The following TRMT9B variants were observed in gnomAD, a reference collection of about 807,000 sequenced individuals.
TRMT9B encodes probable tRNA methyltransferase 9B.
In TRMT9B, 16 loss-of-function variants were observed where a neutral mutation model predicts 11.5. That is an observed-to-expected ratio of 1.39 (90% CI 0.94 to 2.11). The LOEUF (loss-of-function observed/expected upper bound fraction) is 2.11. Among genes scored for constraint, TRMT9B ranks in the 30% most tolerant of loss-of-function variants. The pLI is 0.00. For missense variants in TRMT9B, 941 were observed against 553.8 expected (o/e 1.70, Z -7.02); for synonymous variants, 274 against 192.4 (o/e 1.42, Z -3.51).
intron 1 of TRMT9B, among the ~76,000 whole-genome samples, chr8:12,958,020 A>C (rs1011213378): frequency 1.3e-5 from 2 of 152,228 alleles, no homozygotes; most frequent in Non-Finnish European, 2.9e-5. Context: ...ATAGTATATT[A>C]GTCCGTTTTC....
At chr8:13,005,029 T>C (rs1810178416) in intron 2 of TRMT9B, among the ~76,000 whole-genome samples, 1 of 147,384 alleles carries the variant, frequency 6.8e-6, no homozygotes. Context: ...GAGGTTACAC[T>C]GAGCCGAGAT....
At chr8:12,977,537 C>T (rs1804647979) in intron 1 of TRMT9B, among the ~76,000 whole-genome samples, 1 of 152,058 alleles carries the variant, frequency 6.6e-6, no homozygotes, top group Admixed American at 6.5e-5. Context: ...CCCATCTCTA[C>T]TAAAAATACA....
intron 2 of TRMT9B, among the ~76,000 whole-genome samples, chr8:13,003,125 C>G (rs896321287): frequency 5.9e-5 from 9 of 152,152 alleles, no homozygotes; most frequent in Non-Finnish European, 1.3e-4. Flanking sequence ...TTCCAGCAGA[C>G]TCTGCCAGAG....
At position 13,021,245 on chromosome 8, in the gene TRMT9B, C is replaced by T. The variant is rs1813788644; in HGVS notation, c.566C>T (p.Pro189Leu). 1 of 1,613,832 alleles carries T rather than the reference C, an allele frequency of 6.2e-7. No individual in the cohort carries two copies. The highest frequency in any genetic ancestry group is 1.3e-5 in the African/African-American group (1 of 74,926). ...RQCGYPERGHPYHPPCSECSC... is the reference protein window; with the variant it reads ...RQCGYPERGHLYHPPCSECSC... ...TGTGGATACCCAGAAAGAGGCCATCCCTACCATCCTCCTTGCTCTGAGTGT... is the reference window on the plus strand; with the variant it reads ...TGTGGATACCCAGAAAGAGGCCATCTCTACCATCCTCCTTGCTCTGAGTGT... The change falls in exon 5 of 5, where the codon CCC becomes CTC. Residue 189 changes from proline (P) to leucine (L), a missense_variant. Coordinates refer to ENST00000524591, the MANE Select transcript of TRMT9B (RefSeq NM_020844.3).
intron 1 of TRMT9B, among the ~76,000 whole-genome samples, chr8:12,957,934 A>G (rs1801527780): frequency 6.6e-6 from 1 of 152,122 alleles, no homozygotes; most frequent in African/African-American, 2.4e-5. Context: ...TACCCATTAA[A>G]CCATAACTCC....
intron 1 of TRMT9B, among the ~76,000 whole-genome samples, chr8:12,986,144 G>C (rs1044209280): frequency 9.9e-5 from 15 of 152,146 alleles, no homozygotes; most frequent in Non-Finnish European, 2.1e-4. Flanking sequence ...TTACAGGCAT[G>C]AGCCACTGTG....
intron 1 of TRMT9B, among the ~76,000 whole-genome samples, chr8:12,973,562 C>G (rs1803958161): frequency 6.6e-6 from 1 of 152,250 alleles, no homozygotes; most frequent in Non-Finnish European, 1.5e-5. Context: ...TTTCCTTGGA[C>G]TAGATGTGGG....
At chr8:12,996,584 G>T (rs1808381537) in intron 2 of TRMT9B, among the ~76,000 whole-genome samples, 3 of 152,160 alleles carry the variant, frequency 2.0e-5, no homozygotes, top group Admixed American at 2.0e-4. Flanking sequence ...TGACTGGATG[G>T]CATTCATCCC....
At chr8:13,010,655 T>A (rs939515466) in intron 3 of TRMT9B, 95 of 984,498 alleles carry the variant, frequency 9.6e-5, no homozygotes, top group Non-Finnish European at 1.1e-4. Context: ...GAACAGGCCC[T>A]CCTCATTCTA....
chr8:13,018,760 A>G (rs1273159329), intron 4 of TRMT9B, among the ~76,000 whole-genome samples: 1 of 152,216 alleles, frequency 6.6e-6, no homozygotes, highest in Non-Finnish European at 1.5e-5. Flanking sequence ...TCATACCAAC[A>G]GCACTGCAAC....
At chr8:13,010,793 C>T (rs1811443625) in intron 3 of TRMT9B, 4 of 982,296 alleles carry the variant, frequency 4.1e-6, no homozygotes, top group African/African-American at 3.5e-5. Context: ...ATAGGACCAT[C>T]GTCTTTTGAA....
At chr8:13,012,049 T>C in intron 3 of TRMT9B, 1 of 985,354 alleles carries the variant, frequency 1.0e-6, no homozygotes, top group Non-Finnish European at 1.2e-6. Flanking sequence ...CTACACGTGG[T>C]CTCTCGGATA....
chr8:12,950,544 T>C (rs1329363441), intron 1 of TRMT9B, among the ~76,000 whole-genome samples: 1 of 152,014 alleles, frequency 6.6e-6, no homozygotes, highest in Non-Finnish European at 1.5e-5. Context: ...GTTTTTTCTT[T>C]CTTTCTTTCT....
At chr8:12,979,149 T>C (rs1236221171) in intron 1 of TRMT9B, among the ~76,000 whole-genome samples, 1 of 152,160 alleles carries the variant, frequency 6.6e-6, no homozygotes, top group Non-Finnish European at 1.5e-5. Flanking sequence ...GGCAGGCCTA[T>C]GAGGAAGTAA....
At chr8:12,990,633 A>G (rs1261917187) in intron 1 of TRMT9B, among the ~76,000 whole-genome samples, 2 of 152,226 alleles carry the variant, frequency 1.3e-5, no homozygotes, top group South Asian at 2.1e-4. Context: ...TATGTTTTAT[A>G]GAAAGCTTAG....
chr8:12,966,207 C>G (rs950530270), intron 1 of TRMT9B, among the ~76,000 whole-genome samples: 2 of 151,942 alleles, frequency 1.3e-5, no homozygotes, highest in African/African-American at 4.8e-5. Flanking sequence ...GTGACCCATA[C>G]CTCTGGTCCC....
At position 12,952,382 on chromosome 8, in the gene TRMT9B, C is replaced by G. The variant is rs770074979; in HGVS notation, c.-200+6416C>G. 13 of 303,710 alleles carry G rather than the reference C, an allele frequency of 4.3e-5. 1 individual carries two copies. Among genetic ancestry groups the G allele is most frequent in the South Asian group, 3.1e-4 (13 of 42,044 alleles). 18.8% of individuals were successfully genotyped at this position (303,710 alleles called of 1,614,324 possible). Reference sequence around the variant, plus strand: ...GGGTGAGTTCCTGCTCGTCCCCTGCCTTTCCAGTAGCCCGGGGTGGCTGTT... The same window carrying G: ...GGGTGAGTTCCTGCTCGTCCCCTGCGTTTCCAGTAGCCCGGGGTGGCTGTT... On this transcript the variant is annotated intron_variant, in intron 1 of 4. Coordinates refer to ENST00000524591, the MANE Select transcript of TRMT9B (RefSeq NM_020844.3).
At chr8:12,990,468 C>G (rs1184048495) in intron 1 of TRMT9B, among the ~76,000 whole-genome samples, 1 of 152,060 alleles carries the variant, frequency 6.6e-6, no homozygotes, top group African/African-American at 2.4e-5. Flanking sequence ...ATTGAGCAGT[C>G]CAATTGTACT....
At chr8:12,968,271 T>C (rs1301806325) in intron 1 of TRMT9B, among the ~76,000 whole-genome samples, 1 of 152,190 alleles carries the variant, frequency 6.6e-6, no homozygotes, top group Non-Finnish European at 1.5e-5. Context: ...TATATGACTT[T>C]CTGGGCATGT....
Sources: gnomAD v4.1 joint callset for allele counts (sites outside exome capture counted in the v4.1 genomes callset) on GRCh38, gnomAD v4.1.1 for gene constraint, MANE v1.5 for transcripts, NCBI Gene and HGNC (gene_info 2026-07-23, HGNC 2026-07-21) for gene names.